The following USP38 variants were observed in gnomAD, a reference collection of about 807,000 sequenced individuals.
USP38 encodes ubiquitin specific peptidase 38, also known as ubiquitin carboxyl-terminal hydrolase 38.
In USP38, 49 loss-of-function variants were observed where a neutral mutation model predicts 94.3. That is an observed-to-expected ratio of 0.52 (90% confidence interval 0.41 to 0.66). The LOEUF is 0.66. USP38 is among the 30% of genes least tolerant of loss of function. The pLI is 0.00. For synonymous variants in USP38, 468 were observed against 463.6 expected, an observed-to-expected ratio of 1.01 and a Z score of -0.12; for missense variants, 1,128 against 1,229.4, an observed-to-expected ratio of 0.92 and a Z score of 1.23.
At position 143,185,375 on chromosome 4, in the gene USP38, G is replaced by C. The variant is rs991068828; in HGVS notation, c.-76G>C. Reference sequence around the variant, plus strand: ...GCGCTCCAAGTTCATCTCCGCCCCGGGGCTCTCCTGCCCCACCTCGGGGCT... The same window carrying C: ...GCGCTCCAAGTTCATCTCCGCCCCGCGGCTCTCCTGCCCCACCTCGGGGCT... On this transcript the variant is annotated 5_prime_UTR_variant, in exon 1 of 10. Transcript: ENST00000307017. 1 of 1,474,384 alleles carries C rather than the reference G, an allele frequency of 6.8e-7. No homozygotes were observed. The highest frequency in any genetic ancestry group is 1.4e-5 in the South Asian group (1 of 73,306). 91.3% of individuals were successfully genotyped at this position (1,474,384 alleles called of 1,614,324 possible).
intron 2 of USP38, among the ~76,000 whole-genome samples, chr4:143,190,001 G>A (rs1731347344): frequency 6.6e-6 from 1 of 151,822 alleles, no homozygotes; most frequent in African/African-American, 2.4e-5. Flanking sequence ...AAGTCTTTAT[G>A]TGAAGTTCTC....
intron 1 of USP38, 81 bp from the exon 2 acceptor site, chr4:143,187,742 CTTT>C: frequency 9.4e-7 from 1 of 1,066,642 alleles, no homozygotes; most frequent in South Asian, 1.9e-5. Context: ...GCTGCAATGA[CTTT>C]TTTTTTTTGT....
intron 5 of USP38, chr4:143,204,615 C>A: frequency 6.4e-6 from 2 of 311,902 alleles, no homozygotes; most frequent in South Asian, 2.4e-5. Flanking sequence ...TCTTGAATTC[C>A]TAGGCTCAAG....
Position 143,202,878 on chromosome 4 carries a change from T to A in USP38, c.1051-530T>A, listed in dbSNP as rs957351747. 3.9e-5 allele frequency among the ~76,000 whole-genome samples: 6 copies of A among 152,252 alleles called. No homozygotes were observed. The South Asian group carries it at 1.2e-3, about 32-fold the overall frequency. The stretch of plus-strand genomic sequence containing the variant: ...AGCCACTCTAACATAAGGCATGGTC[T>A]CTGTGCTTATCTAAAAGTAATCCCA... On this transcript the variant is annotated intron_variant, in intron 4 of 9. Transcript: ENST00000307017.
At chr4:143,189,744 T>C (rs1339553260) in intron 2 of USP38, among the ~76,000 whole-genome samples, 2 of 152,060 alleles carry the variant, frequency 1.3e-5, no homozygotes, top group African/African-American at 4.8e-5. Context: ...AAAACTCTTA[T>C]GTAAATGTTT....
rs1732327980 is a variant in USP38 at position 143,221,696 on chromosome 4, T to C, written c.*1240T>C. The C allele has an allele frequency of 6.6e-6, 1 of 152,096 alleles. No individual in the cohort carries two copies. Among genetic ancestry groups the C allele is most frequent in the African/African-American group, 2.4e-5 (1 of 41,448 alleles). 9.4% of individuals were successfully genotyped at this position (152,096 alleles called of 1,614,324 possible). A position where few individuals can be genotyped will look rare whatever the true frequency, so the allele number is the denominator to read the frequency against. ...CAAGAGTTATCCCAGTTATCCCCCT[T>C]CCTAAAGGTTTTAACTTATCCACAG... On this transcript the variant is annotated 3_prime_UTR_variant, in exon 10 of 10. Coordinates refer to ENST00000307017, the MANE Select transcript of USP38 (RefSeq NM_032557.6).
At chr4:143,218,072 A>G (rs1459793957) in intron 9 of USP38, among the ~76,000 whole-genome samples, 1 of 152,100 alleles carries the variant, frequency 6.6e-6, no homozygotes, top group Non-Finnish European at 1.5e-5. Context: ...TCTGTCGTGC[A>G]TCAGCCACAG....
In USP38 at chr4:143,185,330, C is replaced by T; in HGVS notation, c.-121C>T. 1.8e-6 allele frequency: 2 copies of T among 1,124,510 alleles called. No homozygotes were observed. Among genetic ancestry groups the T allele is most frequent in the Non-Finnish European group, 2.5e-6 (2 of 813,232 alleles). 69.7% of individuals were successfully genotyped at this position (1,124,510 alleles called of 1,614,324 possible). ...GCTGCTGAGGCGGCGGTGGCCGTGG[C>T]CCGTCGCGCTGCTGCTGCGGCGCTC... On this transcript the variant is annotated 5_prime_UTR_variant, in exon 1 of 10. Transcript: ENST00000307017.
intron 4 of USP38, among the ~76,000 whole-genome samples, chr4:143,202,001 T>A (rs1436570010): frequency 6.6e-6 from 1 of 152,176 alleles, no homozygotes; most frequent in Non-Finnish European, 1.5e-5. Context: ...TAATCTAATT[T>A]GACAGATTTG....
chr4:143,216,947 T>A (rs977744498), intron 9 of USP38, among the ~76,000 whole-genome samples: 12 of 152,112 alleles, frequency 7.9e-5, no homozygotes, highest in Admixed American at 3.3e-4. Flanking sequence ...GTAGCTGGGA[T>A]TACAGGCATA....
chr4:143,195,586 A>G, intron 2 of USP38, 130 bp from the exon 3 acceptor site: 1 of 891,358 alleles, frequency 1.1e-6, no homozygotes, highest in South Asian at 2.3e-5. Context: ...CATCTTGGTC[A>G]GTGCTTTTCA....
intron 4 of USP38, among the ~76,000 whole-genome samples, chr4:143,201,880 T>C (rs1395697391): frequency 6.6e-6 from 1 of 152,176 alleles, no homozygotes; most frequent in Non-Finnish European, 1.5e-5. Flanking sequence ...ATAGCCTGCT[T>C]GGAAGTATAT....
chr4:143,219,204 A>AT (rs1732260270), intron 9 of USP38, among the ~76,000 whole-genome samples: 1 of 152,098 alleles, frequency 6.6e-6, no homozygotes, highest in African/African-American at 2.4e-5. Context: ...CCTTTCAGCC[A>AT]TAAAAATAGG....
At position 143,214,559 on chromosome 4, in the gene USP38, T is replaced by G. The variant is rs376771787; in HGVS notation, c.2583T>G (p.Tyr861Ter). ...CTGAAAGTGGGCATTACTATTCTTA[T>G]GCCAGGAATATCACAAGTACAGACT... ...ISSESGHYYSYARNITSTDSS... is the reference protein window; with the variant it reads ...ISSESGHYYS Residue 861 changes from tyrosine to a stop codon, truncating the protein, a stop_gained, in exon 9 of 10, where the codon TAT (tyrosine) becomes TAG (stop). Coordinates refer to ENST00000307017, the MANE Select transcript of USP38 (RefSeq NM_032557.6). LOFTEE classifies it high-confidence loss of function. 1 of 1,613,622 alleles carries G rather than the reference T, an allele frequency of 6.2e-7. No individual in the cohort carries two copies. The highest frequency in any genetic ancestry group is 1.7e-5 in the Admixed American group (1 of 59,910).
In USP38 at chr4:143,209,545, T is replaced by A. The variant is rs770450053; in HGVS notation, c.1404-19T>A. 18 of 1,391,398 alleles carry A rather than the reference T, an allele frequency of 1.3e-5. No homozygotes were observed. In the Admixed American group the frequency reaches 3.3e-4, roughly 26 times the overall value. 86.2% of individuals were successfully genotyped at this position (1,391,398 alleles called of 1,614,324 possible). A position where few individuals can be genotyped will look rare whatever the true frequency, so the allele number is the denominator to read the frequency against. ...GTGTTTGTACGCACATATATATAAA[T>A]CATTATATTCTCTTTCAGTTTCAGG... On this transcript the variant is annotated intron_variant, in intron 6 of 9. Coordinates refer to ENST00000307017, the MANE Select transcript of USP38 (RefSeq NM_032557.6).
Position 143,220,377 on chromosome 4 carries a change from A to G in USP38, c.3050A>G (p.Asn1017Ser), listed in dbSNP as rs1560676852. 6 of 1,613,546 alleles carry G rather than the reference A, an allele frequency of 3.7e-6. No individual in the cohort carries two copies. Among genetic ancestry groups the G allele is most frequent in the Non-Finnish European group, 5.1e-6 (6 of 1,179,660 alleles). ...TTTCGGCCCAATGGATTTGATGACA[A>G]CGACCCACCAGGAAGCTGTGGACCA... ...CSFRPNGFDD[N>S]DPPGSCGPTG... Residue 1017 changes from asparagine (N) to serine (S), a missense_variant, in exon 10 of 10, where the codon AAC becomes AGC. By Grantham distance (46) the Asn-to-Ser change is conservative. Transcript: ENST00000307017.
In USP38 at chr4:143,212,313, A is replaced by G; in HGVS notation, c.1498-5A>G. The G allele has an allele frequency of 6.3e-7, 1 of 1,599,676 alleles. No homozygotes were observed. The highest frequency in any genetic ancestry group is 8.5e-7 in the Non-Finnish European group (1 of 1,174,682). ...TCCTTATATTTTCTCAATTGCTCTC[A>G]AAAGAGGGAAGCATACGCACCTCGG... On this transcript the variant is annotated splice_polypyrimidine_tract_variant and splice_region_variant and intron_variant, in intron 7 of 9. Coordinates refer to ENST00000307017, the MANE Select transcript of USP38 (RefSeq NM_032557.6).
At chr4:143,201,673 T>C (rs1032958508) in intron 4 of USP38, among the ~76,000 whole-genome samples, 9 of 152,168 alleles carry the variant, frequency 5.9e-5, no homozygotes, top group Non-Finnish European at 8.8e-5. Flanking sequence ...GCTTTTCTTA[T>C]GCATTTTACC....
At chr4:143,196,851 C>CA (rs1402778593) in intron 3 of USP38, among the ~76,000 whole-genome samples, 2 of 152,196 alleles carry the variant, frequency 1.3e-5, no homozygotes, top group Admixed American at 6.5e-5. Flanking sequence ...TCTATCCTTT[C>CA]ACTTGCTCAA....
Sources: gnomAD v4.1 joint callset for allele counts (sites outside exome capture counted in the v4.1 genomes callset) on GRCh38, gnomAD v4.1.1 for gene constraint, MANE v1.5 for transcripts, NCBI Gene and HGNC (gene_info 2026-07-23, HGNC 2026-07-21) for gene names.